TJP2: variants seen among roughly 807,000 people sequenced by gnomAD.
TJP2 encodes the protein Friedreich ataxia region gene X104 (tight junction protein ZO-2).
TJP2 carries 91 observed loss-of-function variants against 133.1 expected under a neutral mutation model. That is an observed-to-expected ratio of 0.68 (90% confidence interval 0.58 to 0.81). The LOEUF (loss-of-function observed/expected upper bound fraction) is 0.81. Among genes scored for constraint, TJP2 ranks in the 40% least tolerant of loss-of-function variants. TJP2 has a pLI of 0.00. For missense variants in TJP2, 1,541 were observed against 1,565.6 expected (o/e 0.98, Z 0.26); for synonymous variants, 592 against 583.4 (o/e 1.01, Z -0.21).
intron 1 of TJP2, among the ~76,000 whole-genome samples, chr9:69,181,240 CTTTTTTTTTTTTTTT>C (rs149100552): frequency 4.1e-5 from 3 of 73,186 alleles, no homozygotes; most frequent in African/African-American, 1.7e-4. Context: ...TTTGCAATTT[CTTTTTTTTTTTTTTT>C]TTTTTTTTTT....
intron 1 of TJP2, among the ~76,000 whole-genome samples, chr9:69,190,421 T>C (rs1275788892): frequency 6.6e-6 from 1 of 152,216 alleles, no homozygotes; most frequent in East Asian, 1.9e-4. Flanking sequence ...GATTTTAGTT[T>C]AGGTAAAAAT....
Position 69,240,009 on chromosome 9 carries a change from G to T in TJP2, c.2428G>T (p.Val810Leu), listed in dbSNP as rs1378349283. 1 of 1,614,102 alleles carries T rather than the reference G, an allele frequency of 6.2e-7. No homozygotes were observed. The highest frequency in any genetic ancestry group is 8.5e-7 in the Non-Finnish European group (1 of 1,180,026). ...LLNYTQWFPI[V>L]IFFNPDSRQG... ...GAATTACACCCAGTGGTTCCCAATT[G>T]TGATTTTTTTCAACCCAGACTCCAG... Residue 810 changes from valine to leucine, a missense_variant, in exon 17 of 23, where the codon GTG becomes TTG. Coordinates refer to ENST00000377245, the MANE Select transcript of TJP2 (RefSeq NM_004817.4).
At chr9:69,209,609 C>G (rs960040382) in intron 1 of TJP2, among the ~76,000 whole-genome samples, 1 of 150,916 alleles carries the variant, frequency 6.6e-6, no homozygotes, top group Non-Finnish European at 1.5e-5. Flanking sequence ...CAAAAATTAG[C>G]TGGGTGTGGT....
At chr9:69,178,125 A>G (rs1825230555) in intron 1 of TJP2, among the ~76,000 whole-genome samples, 1 of 152,094 alleles carries the variant, frequency 6.6e-6, no homozygotes, top group African/African-American at 2.4e-5. Flanking sequence ...CTCAGAGGAG[A>G]CAGAGTAAGG....
chr9:69,248,765 C>CT, intron 19 of TJP2: 1 of 994,986 alleles, frequency 1.0e-6, no homozygotes, highest in South Asian at 4.6e-5. Flanking sequence ...GATTAGATAG[C>CT]TTATGGGATC....
intron 1 of TJP2, among the ~76,000 whole-genome samples, chr9:69,209,279 T>C (rs1405865170): frequency 6.6e-6 from 1 of 152,108 alleles, no homozygotes; most frequent in Non-Finnish European, 1.5e-5. Flanking sequence ...ACTACAGATA[T>C]GCGCCACCAC....
rs142692397 is a variant in TJP2 at position 69,235,071 on chromosome 9, A to G, written c.1780+524A>G. Reference sequence around the variant, plus strand: ...TCAATAGGAAAGAAAGAGATTTATTATAAAGAATTGGCTCACATAATTATG... The same window carrying G: ...TCAATAGGAAAGAAAGAGATTTATTGTAAAGAATTGGCTCACATAATTATG... On this transcript the variant is annotated intron_variant, in intron 12 of 22. Transcript: ENST00000377245. 9.6e-3 allele frequency among the ~76,000 whole-genome samples: 1,457 copies of G among 152,354 alleles called. 15 individuals are homozygous for G. The highest frequency in any genetic ancestry group is 0.016 in the Non-Finnish European group (1,119 of 68,034).
intron 1 of TJP2, among the ~76,000 whole-genome samples, chr9:69,194,322 G>GA (rs1308527833): frequency 6.6e-6 from 1 of 152,110 alleles, no homozygotes; most frequent in African/African-American, 2.4e-5. Flanking sequence ...GTAAATTGCT[G>GA]AAAGTTATAG....
chr9:69,232,254 G>A (rs1164654328), intron 11 of TJP2, among the ~76,000 whole-genome samples: 1 of 152,180 alleles, frequency 6.6e-6, no homozygotes, highest in Non-Finnish European at 1.5e-5. Flanking sequence ...TAAATTTTCT[G>A]TTGACTACAA....
At chr9:69,226,229 C>T in intron 7 of TJP2, 54 bp downstream of exon 7, 1 of 1,589,022 alleles carries the variant, frequency 6.3e-7, no homozygotes, top group South Asian at 1.1e-5. Context: ...GCTGTTGCTT[C>T]CCCATTCTTC....
chr9:69,154,380 C>G (rs1354187150), intron 2 of TJP2, among the ~76,000 whole-genome samples: 1 of 152,176 alleles, frequency 6.6e-6, no homozygotes, highest in East Asian at 1.9e-4. Context: ...CCTGAGGTTT[C>G]TAATCATCAG....
chr9:69,201,400 T>C (rs918112208), intron 1 of TJP2, among the ~76,000 whole-genome samples: 2 of 151,502 alleles, frequency 1.3e-5, no homozygotes, highest in Non-Finnish European at 2.9e-5. Flanking sequence ...TGCCCTGTGC[T>C]GTTCTTTGGA....
At chr9:69,156,348 T>G (rs1823755447) in intron 2 of TJP2, among the ~76,000 whole-genome samples, 1 of 151,932 alleles carries the variant, frequency 6.6e-6, no homozygotes, top group Admixed American at 6.6e-5. Flanking sequence ...CGCAACAGAG[T>G]GAGACTCTGT....
chr9:69,128,886 A>G (rs932000275), intron 1 of TJP2, among the ~76,000 whole-genome samples: 1 of 152,192 alleles, frequency 6.6e-6, no homozygotes, highest in African/African-American at 2.4e-5. Flanking sequence ...GGACATAGGG[A>G]AAGAGGAAAT....
chr9:69,230,943 A>G (rs758142445), intron 11 of TJP2, among the ~76,000 whole-genome samples: 2 of 152,194 alleles, frequency 1.3e-5, no homozygotes, highest in Non-Finnish European at 2.9e-5. Flanking sequence ...TGATACTTTT[A>G]AAATTACTAT....
rs112987971 is a variant in TJP2, at chr9:69,155,123, C to T, written c.-10+3352C>T. Among the ~76,000 whole-genome samples, 537 of 147,310 alleles carry T rather than the reference C, an allele frequency of 3.6e-3. 1 individual carries two copies. Among genetic ancestry groups the T allele is most frequent in the African/African-American group, 0.013 (516 of 39,860 alleles). ...ATACCAGCTACTCAGGAGGCTGAGG[C>T]AGGAGAATCACTTGAACCTGGTGGG... On this transcript the variant is annotated intron_variant, in intron 2 of 5. Coordinates refer to the TJP2 transcript ENST00000423935.
At chr9:69,132,000 C>T (rs557319916) in intron 1 of TJP2, among the ~76,000 whole-genome samples, 2 of 152,268 alleles carry the variant, frequency 1.3e-5, no homozygotes, top group African/African-American at 2.4e-5. Flanking sequence ...AGTACTGGAG[C>T]GAAGTCCAAG....
rs994860324 is a variant in TJP2, at chr9:69,251,163, A to G, written c.3120A>G (p.Ala1040=). 1.2e-6 allele frequency: 2 copies of G among 1,614,186 alleles called. No homozygotes were observed. Among genetic ancestry groups the G allele is most frequent in the Admixed American group, 3.3e-5 (2 of 60,008 alleles). Residue 1040 remains alanine (A), a synonymous_variant, in exon 21 of 23, where the codon GCA becomes GCG. Coordinates refer to ENST00000377245, the MANE Select transcript of TJP2 (RefSeq NM_004817.4). ...CCAAAGGTTATCCTCCTCCTGTTGC[A>G]GCAAAACCTACCTTTGGGCGGTCTA... is the stretch of plus-strand genomic sequence containing the variant. ...ASTKGYPPPV[A]AKPTFGRSIL... is the part of the protein sequence containing the mutation.
At chr9:69,122,022 CCG>C (rs928922678) in intron 1 of TJP2, 16 of 152,350 alleles carry the variant, frequency 1.1e-4, no homozygotes, top group African/African-American at 3.9e-4. Context: ...CTCATCGCCC[CCG>C]GGGCGGCAGC....
Sources: allele counts gnomAD v4.1 joint callset (sites outside exome capture counted in the v4.1 genomes callset), GRCh38; gene constraint gnomAD v4.1.1; transcripts MANE v1.5; gene names NCBI Gene and HGNC (gene_info 2026-07-23, HGNC 2026-07-21).